The following DNAH14 variants were observed in gnomAD, a reference collection of about 807,000 sequenced individuals.
DNAH14 encodes the protein dynein axonemal heavy chain 14, also known as axonemal beta dynein heavy chain 14.
A neutral mutation model predicts 520.9 loss-of-function variants in DNAH14; 478 were observed. That is an observed-to-expected ratio of 0.92 (90% CI 0.85 to 0.99). The LOEUF is 0.99. Among genes scored for constraint, DNAH14 ranks in the 50% least tolerant of loss-of-function variants. The probability of loss-of-function intolerance (pLI) is 0.00; values close to 1 mark genes in which losing one functional copy is unlikely to be tolerated. For synonymous variants in DNAH14, 1,581 were observed against 1,757.2 expected, an observed-to-expected ratio of 0.90 and a Z score of 2.51; for missense variants, 4,831 against 5,234.5, an observed-to-expected ratio of 0.92 and a Z score of 2.38.
chr1:225,003,863 A>G (rs1341168873), intron 9 of DNAH14, among the ~76,000 whole-genome samples: 1 of 152,150 alleles, frequency 6.6e-6, no homozygotes, highest in Non-Finnish European at 1.5e-5. Context: ...GAAATAAAAT[A>G]ATCTGTAATA....
chr1:225,150,403 T>C (rs556695643), intron 31 of DNAH14, among the ~76,000 whole-genome samples: 1 of 152,298 alleles, frequency 6.6e-6, no homozygotes, highest in African/African-American at 2.4e-5. Flanking sequence ...ATGATGCTGT[T>C]CCCATAGAGT....
chr1:225,386,155 G>T (rs915116426), intron 81 of DNAH14, among the ~76,000 whole-genome samples: 1 of 152,196 alleles, frequency 6.6e-6, no homozygotes, highest in Admixed American at 6.5e-5. Context: ...AATAAATGGT[G>T]CTGGGAAAAC....
intron 17 of DNAH14, among the ~76,000 whole-genome samples, chr1:225,060,439 C>G (rs1405347841): frequency 1.3e-5 from 2 of 152,066 alleles, no homozygotes; most frequent in Non-Finnish European, 2.9e-5. Flanking sequence ...AGGGTTTTAA[C>G]TTCTTTGCCA....
chr1:225,110,877 C>T (rs1399913716), intron 23 of DNAH14, among the ~76,000 whole-genome samples: 3 of 152,056 alleles, frequency 2.0e-5, no homozygotes, highest in African/African-American at 4.8e-5. Flanking sequence ...TTCATTGACA[C>T]TGACATGGTC....
intron 8 of DNAH14, among the ~76,000 whole-genome samples, chr1:224,993,840 C>T (rs2063215742): frequency 6.6e-6 from 1 of 151,940 alleles, no homozygotes; most frequent in Non-Finnish European, 1.5e-5. Flanking sequence ...CTTCTTTGAA[C>T]TCCTTTTACT....
At chr1:225,020,786 G>A (rs1224875510) in intron 10 of DNAH14, among the ~76,000 whole-genome samples, 1 of 152,114 alleles carries the variant, frequency 6.6e-6, no homozygotes, top group Non-Finnish European at 1.5e-5. Flanking sequence ...AATCAAGGAG[G>A]AAGGACTCCT....
At chr1:225,071,657 A>G (rs146284921) in intron 17 of DNAH14, among the ~76,000 whole-genome samples, 1 of 152,258 alleles carries the variant, frequency 6.6e-6, no homozygotes, top group East Asian at 1.9e-4. Context: ...TGGGTAATTT[A>G]TAAAGGAAAG....
chr1:225,190,418 A>G (rs565848162), intron 37 of DNAH14, among the ~76,000 whole-genome samples: 1 of 152,130 alleles, frequency 6.6e-6, no homozygotes, highest in South Asian at 2.1e-4. Context: ...AGATGGTGCA[A>G]GATTTCATGT....
chr1:225,017,896 A>C (rs1012544228), intron 10 of DNAH14, among the ~76,000 whole-genome samples: 29 of 152,238 alleles, frequency 1.9e-4, no homozygotes, highest in African/African-American at 7.0e-4. Context: ...GCAATAAAGA[A>C]CATAAAAACA....
chr1:225,335,207 A>G (rs1431268672), intron 66 of DNAH14, among the ~76,000 whole-genome samples: 2 of 141,054 alleles, frequency 1.4e-5, no homozygotes, highest in East Asian at 2.1e-4. Flanking sequence ...GCACACACGT[A>G]CATGTGTGTA....
intron 41 of DNAH14, among the ~76,000 whole-genome samples, chr1:225,209,142 T>C (rs2087992882): frequency 6.6e-6 from 1 of 152,206 alleles, no homozygotes; most frequent in Non-Finnish European, 1.5e-5. Flanking sequence ...ATCTTTCTTA[T>C]TTTTATGTCT....
chr1:225,369,312 A>AAAAC (rs1257451696), intron 77 of DNAH14, among the ~76,000 whole-genome samples: 1 of 152,114 alleles, frequency 6.6e-6, no homozygotes, highest in East Asian at 1.9e-4. Flanking sequence ...ATTGGGTTAC[A>AAAAC]AAACAAAACC....
chr1:225,253,680 C>A (rs1574314618), intron 44 of DNAH14, among the ~76,000 whole-genome samples: 1 of 152,044 alleles, frequency 6.6e-6, no homozygotes, highest in African/African-American at 2.4e-5. Flanking sequence ...CTTTATTCAT[C>A]CCACACGTAT....
In DNAH14 at chr1:225,303,218, A is replaced by AT. The variant is rs1348617594; in HGVS notation, c.8694_8695insT (p.Asn2899Ter). 1.3e-6 allele frequency: 2 copies of AT among 1,544,048 alleles called. No individual in the cohort carries two copies. The highest frequency in any genetic ancestry group is 1.7e-6 in the Non-Finnish European group (2 of 1,144,150). ...GTCCTGAAGGACCTAGCTTCCGCCA[A>AT]AATTGTAGAGTGTATCCTTCTATGA... On this transcript the variant is annotated frameshift_variant, in exon 57 of 86. Transcript: ENST00000682510. LOFTEE classifies it high-confidence loss of function.
At chr1:225,015,347 G>A (rs2065126050) in intron 10 of DNAH14, among the ~76,000 whole-genome samples, 2 of 152,066 alleles carry the variant, frequency 1.3e-5, no homozygotes, top group African/African-American at 2.4e-5. Context: ...TTGTTTTCTG[G>A]TTGTTCTTTA....
intron 27 of DNAH14, among the ~76,000 whole-genome samples, chr1:225,140,148 C>A (rs1317326564): frequency 6.6e-6 from 1 of 152,100 alleles, no homozygotes; most frequent in African/African-American, 2.4e-5. Flanking sequence ...TTCACTGTGC[C>A]CCCTTGCCCA....
At chr1:225,158,816 A>G (rs2081280560) in intron 34 of DNAH14, among the ~76,000 whole-genome samples, 1 of 152,148 alleles carries the variant, frequency 6.6e-6, no homozygotes. Context: ...AGAGGCAGTG[A>G]GCAGTTCCAG....
chr1:225,083,960 A>G (rs1369814264), intron 20 of DNAH14, among the ~76,000 whole-genome samples: 1 of 152,176 alleles, frequency 6.6e-6, no homozygotes, highest in Non-Finnish European at 1.5e-5. Flanking sequence ...ATGTAGCAGC[A>G]AGCTATAAAA....
At chr1:224,947,122 TAGTC>T (rs1160063968) in intron 1 of DNAH14, among the ~76,000 whole-genome samples, 3 of 152,118 alleles carry the variant, frequency 2.0e-5, no homozygotes, top group South Asian at 2.1e-4. Flanking sequence ...TTTACCATGT[TAGTC>T]AGGCTGGTCT....
Sources: allele counts gnomAD v4.1 joint callset (sites outside exome capture counted in the v4.1 genomes callset), GRCh38; gene constraint gnomAD v4.1.1; transcripts MANE v1.5; gene names NCBI Gene and HGNC (gene_info 2026-07-23, HGNC 2026-07-21).